HDAC9: variants seen among roughly 807,000 people sequenced by gnomAD.
HDAC9 encodes the protein MEF-2 interacting transcription repressor (MITR) protein.
HDAC9 carries 41 observed loss-of-function variants against 139.4 expected under a neutral mutation model. The ratio of observed to expected loss-of-function variants is 0.29; its 90% CI spans 0.23 to 0.38. HDAC9 has a LOEUF of 0.38. Ranked by LOEUF, HDAC9 falls within the 10% of genes least tolerant of loss-of-function variation. The pLI is 1.00. For synonymous variants in HDAC9, 517 were observed against 476.2 expected (o/e 1.09, Z -1.12); for missense variants, 1,147 against 1,297.0 (o/e 0.88, Z 1.78).
chr7:18,721,631 T>C (rs1264634812), intron 12 of HDAC9, among the ~76,000 whole-genome samples: 3 of 152,102 alleles, frequency 2.0e-5, no homozygotes, highest in Non-Finnish European at 4.4e-5. Flanking sequence ...AGCCCATGAG[T>C]AACCACCCAC....
intron 21 of HDAC9, among the ~76,000 whole-genome samples, chr7:18,852,394 G>T (rs1416892938): frequency 6.6e-6 from 1 of 152,196 alleles, no homozygotes; most frequent in Non-Finnish European, 1.5e-5. Context: ...AGGCGAGGAG[G>T]CGGAGGATTA....
chr7:18,386,943 T>C (rs980416660), intron 1 of HDAC9, among the ~76,000 whole-genome samples: 20 of 152,206 alleles, frequency 1.3e-4, no homozygotes, highest in Non-Finnish European at 5.9e-5. Flanking sequence ...CTTACCATTT[T>C]CTTCACCTCC....
chr7:18,980,032 A>T (rs1267760964), intron 25 of HDAC9, among the ~76,000 whole-genome samples: 2 of 152,172 alleles, frequency 1.3e-5, no homozygotes, highest in Non-Finnish European at 1.5e-5. Context: ...AGTGTCAACA[A>T]AGCCTTAGCT....
intron 25 of HDAC9, among the ~76,000 whole-genome samples, chr7:18,978,239 T>G (rs1267939513): frequency 1.3e-5 from 2 of 152,134 alleles, no homozygotes; most frequent in Non-Finnish European, 2.9e-5. Flanking sequence ...CATATTGGTG[T>G]TTGGAGTGAG....
chr7:18,495,404 T>C (rs1226044475), upstream of HDAC9, among the ~76,000 whole-genome samples: 1 of 152,116 alleles, frequency 6.6e-6, no homozygotes, highest in Non-Finnish European at 1.5e-5. Context: ...CTTAGAATTA[T>C]GATTCTTAAT....
At chr7:18,580,223 G>C (rs1190712953) in intron 2 of HDAC9, among the ~76,000 whole-genome samples, 1 of 152,048 alleles carries the variant, frequency 6.6e-6, no homozygotes, top group African/African-American at 2.4e-5. Context: ...ACATGATTTG[G>C]GATTTTGGTT....
At chr7:18,827,537 G>A (rs1795544881) in intron 17 of HDAC9, among the ~76,000 whole-genome samples, 1 of 151,932 alleles carries the variant, frequency 6.6e-6, no homozygotes, top group South Asian at 2.1e-4. Context: ...TAATTTCCAG[G>A]GTAGAAAAAT....
At chr7:18,858,220 A>G (rs1159880301) in intron 21 of HDAC9, among the ~76,000 whole-genome samples, 2 of 152,138 alleles carry the variant, frequency 1.3e-5, no homozygotes, top group Non-Finnish European at 2.9e-5. Context: ...TGGATAATCA[A>G]TGTATTACTC....
At chr7:18,765,382 G>C (rs1315621942) in intron 15 of HDAC9, among the ~76,000 whole-genome samples, 1 of 152,056 alleles carries the variant, frequency 6.6e-6, no homozygotes, top group African/African-American at 2.4e-5. Context: ...AGCACTTTGG[G>C]AGGCCGAGAC....
chr7:18,130,270 A>G (rs1168743357), intron 1 of HDAC9, among the ~76,000 whole-genome samples: 1 of 152,122 alleles, frequency 6.6e-6, no homozygotes, highest in Non-Finnish European at 1.5e-5. Flanking sequence ...TTTCAGATCA[A>G]TGCTCAACCT....
intron 2 of HDAC9, among the ~76,000 whole-genome samples, chr7:18,209,933 C>T (rs1403983874): frequency 6.6e-6 from 1 of 152,072 alleles, no homozygotes; most frequent in East Asian, 1.9e-4. Context: ...ATCTCCTGAC[C>T]TCGTGATCCG....
At chr7:18,297,523 C>A (rs1246202877) in intron 1 of HDAC9, among the ~76,000 whole-genome samples, 1 of 152,194 alleles carries the variant, frequency 6.6e-6, no homozygotes, top group African/African-American at 2.4e-5. Flanking sequence ...ACTCAAATTT[C>A]ATACCTTGTT....
At chr7:18,664,714 G>C (rs1241089164) in intron 11 of HDAC9, among the ~76,000 whole-genome samples, 3 of 151,848 alleles carry the variant, frequency 2.0e-5, no homozygotes, top group Non-Finnish European at 4.4e-5. Flanking sequence ...CACTTCCTCA[G>C]CTTAACTCCC....
chr7:18,832,813 G>A (rs550626922), intron 19 of HDAC9, among the ~76,000 whole-genome samples: 23 of 152,052 alleles, frequency 1.5e-4, no homozygotes, highest in African/African-American at 4.8e-4. Flanking sequence ...TCGGCTCACC[G>A]CAACCTCCAC....
At chr7:18,832,743 T>C (rs28490273) in intron 19 of HDAC9, among the ~76,000 whole-genome samples, 1 of 132,614 alleles carries the variant, frequency 7.5e-6, no homozygotes, top group East Asian at 2.2e-4. Flanking sequence ...ATATATATTT[T>C]TTTTTTCTTG....
chr7:18,714,241 G>A (rs1316775623), intron 12 of HDAC9, among the ~76,000 whole-genome samples: 3 of 152,196 alleles, frequency 2.0e-5, no homozygotes, highest in Admixed American at 2.0e-4. Flanking sequence ...CAAGGTGTGT[G>A]AAGATTAAGT....
intron 2 of HDAC9, among the ~76,000 whole-genome samples, chr7:18,277,914 TA>T (rs150139252): frequency 6.6e-6 from 1 of 152,156 alleles, no homozygotes; most frequent in Non-Finnish European, 1.5e-5. Flanking sequence ...GATCAAGTTT[TA>T]AAAAAACTTG....
At position 18,989,189 on chromosome 7, in the gene HDAC9, C is replaced by T. The variant is rs913303717; in HGVS notation, c.3171-6834C>T. 4.7e-5 allele frequency among the ~76,000 whole-genome samples: 7 copies of T among 148,990 alleles called. No individual in the cohort carries two copies. In the East Asian group the frequency reaches 1.4e-3, roughly 29 times the overall value. On this transcript the variant is annotated intron_variant, in intron 25 of 25. Transcript: ENST00000686413. ...GTCTTTACATTTTGGCATGATTTTG[C>T]AGTGGCTGGTACCGGTTGTTCCTTT...
intron 14 of HDAC9, among the ~76,000 whole-genome samples, chr7:18,751,578 A>T (rs1471437399): frequency 2.0e-5 from 3 of 151,814 alleles, no homozygotes; most frequent in Non-Finnish European, 4.4e-5. Flanking sequence ...TTATGAAATT[A>T]TGAGATGCTA....
Sources: allele counts gnomAD v4.1 joint callset (sites outside exome capture counted in the v4.1 genomes callset), GRCh38; gene constraint gnomAD v4.1.1; transcripts MANE v1.5; gene names NCBI Gene and HGNC (gene_info 2026-07-23, HGNC 2026-07-21).